The following ZNF385D variants were observed in gnomAD, a reference collection of about 807,000 sequenced individuals.
The protein encoded by ZNF385D is zinc finger protein 659.
A neutral mutation model predicts 35.8 loss-of-function variants in ZNF385D; 15 were observed. That is an observed-to-expected ratio of 0.42 (90% confidence interval 0.28 to 0.64). The LOEUF (loss-of-function observed/expected upper bound fraction) is 0.64. Ranked by LOEUF, ZNF385D falls within the 30% of genes least tolerant of loss-of-function variation. ZNF385D has a pLI of 0.23. For missense variants in ZNF385D, 474 were observed against 494.6 expected (o/e 0.96, Z 0.39); for synonymous variants, 212 against 186.8 (o/e 1.13, Z -1.10).
chr3:21,630,994 T>C (rs1397435880), intron 2 of ZNF385D, among the ~76,000 whole-genome samples: 2 of 152,082 alleles, frequency 1.3e-5, no homozygotes, highest in Non-Finnish European at 2.9e-5. Context: ...GTTTCGTAAA[T>C]AGATACCAGG....
intron 3 of ZNF385D, among the ~76,000 whole-genome samples, chr3:22,107,911 G>T (rs1191280235): frequency 1.3e-5 from 2 of 151,874 alleles, no homozygotes; most frequent in Non-Finnish European, 2.9e-5. Context: ...CCCATAATAG[G>T]TGATTAGGCC....
intron 2 of ZNF385D, among the ~76,000 whole-genome samples, chr3:21,639,279 C>T (rs2065533154): frequency 6.6e-6 from 1 of 151,918 alleles, no homozygotes; most frequent in Non-Finnish European, 1.5e-5. Flanking sequence ...TTATGTGACT[C>T]CCTCCACTAA....
chr3:22,196,153 A>G (rs931523112), intron 2 of ZNF385D, among the ~76,000 whole-genome samples: 1 of 152,058 alleles, frequency 6.6e-6, no homozygotes, highest in Non-Finnish European at 1.5e-5. Flanking sequence ...ACAAAACTGC[A>G]ATTGTACCCC....
intron 3 of ZNF385D, among the ~76,000 whole-genome samples, chr3:21,954,019 C>T (rs34256295): frequency 0.12 from 18,299 of 151,946 alleles, 1,452 homozygotes; most frequent in South Asian, 0.25. Flanking sequence ...AAAAGATACT[C>T]AAATTACTTC....
intron 3 of ZNF385D, among the ~76,000 whole-genome samples, chr3:22,058,331 C>T (rs982038983): frequency 1.3e-5 from 2 of 152,192 alleles, no homozygotes; most frequent in Non-Finnish European, 2.9e-5. Flanking sequence ...CAACAAGCCG[C>T]CCCTATTGTC....
intron 3 of ZNF385D, among the ~76,000 whole-genome samples, chr3:21,901,594 T>C (rs1336462503): frequency 6.6e-6 from 1 of 152,164 alleles, no homozygotes; most frequent in Non-Finnish European, 1.5e-5. Flanking sequence ...CTCACAGCAA[T>C]CTAAGGTACA....
chr3:22,011,775 A>T (rs1391994847), intron 3 of ZNF385D, among the ~76,000 whole-genome samples: 1 of 152,130 alleles, frequency 6.6e-6, no homozygotes, highest in Non-Finnish European at 1.5e-5. Context: ...TACATAGTGA[A>T]ATTGTATCTT....
chr3:22,351,541 A>G (rs1695916069), intron 2 of ZNF385D, among the ~76,000 whole-genome samples: 1 of 152,312 alleles, frequency 6.6e-6, no homozygotes, highest in Middle Eastern at 3.4e-3. Context: ...AGATTTTTAT[A>G]CACAATGCTA....
At chr3:21,735,374 G>T (rs1411022594) in intron 1 of ZNF385D, among the ~76,000 whole-genome samples, 1 of 152,126 alleles carries the variant, frequency 6.6e-6, no homozygotes, top group African/African-American at 2.4e-5. Flanking sequence ...GGCCCTATTT[G>T]TGCCACTCAC....
chr3:22,200,214 C>G (rs1696690233), intron 2 of ZNF385D, among the ~76,000 whole-genome samples: 1 of 151,976 alleles, frequency 6.6e-6, no homozygotes, highest in African/African-American at 2.4e-5. Flanking sequence ...AACTTTCATC[C>G]TGGCAAGATT....
intron 3 of ZNF385D, among the ~76,000 whole-genome samples, chr3:21,873,726 A>G (rs1697815388): frequency 1.3e-5 from 2 of 152,098 alleles, no homozygotes; most frequent in African/African-American, 2.4e-5. Context: ...ATGTAGAATC[A>G]TGCCGTATTT....
At chr3:21,850,700 C>G (rs1477661483) in intron 3 of ZNF385D, among the ~76,000 whole-genome samples, 1 of 151,962 alleles carries the variant, frequency 6.6e-6, no homozygotes, top group African/African-American at 2.4e-5. Flanking sequence ...AAAACTCTGA[C>G]CAGCCAAAGG....
chr3:22,363,569 A>T (rs1408451177), intron 2 of ZNF385D, among the ~76,000 whole-genome samples: 1 of 152,100 alleles, frequency 6.6e-6, no homozygotes, highest in Non-Finnish European at 1.5e-5. Flanking sequence ...CATGAGAAAC[A>T]TTTTTTTCAG....
At chr3:21,921,289 C>A (rs1341708117) in intron 3 of ZNF385D, among the ~76,000 whole-genome samples, 1 of 151,554 alleles carries the variant, frequency 6.6e-6, no homozygotes, top group Non-Finnish European at 1.5e-5. Flanking sequence ...TAACCACACT[C>A]CTCACTCCCC....
At chr3:22,180,210 C>T (rs1342732438) in intron 2 of ZNF385D, among the ~76,000 whole-genome samples, 1 of 152,220 alleles carries the variant, frequency 6.6e-6, no homozygotes, top group African/African-American at 2.4e-5. Flanking sequence ...TTCCTCGACA[C>T]ATACACCCTC....
intron 2 of ZNF385D, among the ~76,000 whole-genome samples, chr3:21,649,026 G>C (rs1262348642): frequency 1.3e-5 from 2 of 152,046 alleles, no homozygotes; most frequent in Admixed American, 6.6e-5. Flanking sequence ...CTAGGACTCT[G>C]TGATTCCAAA....
intron 3 of ZNF385D, among the ~76,000 whole-genome samples, chr3:21,852,924 T>C (rs1696476690): frequency 6.6e-6 from 1 of 151,852 alleles, no homozygotes; most frequent in Non-Finnish European, 1.5e-5. Context: ...GAGGAAAATA[T>C]GTTAAACATC....
At chr3:21,784,372 G>A (rs1559618955) in intron 3 of ZNF385D, among the ~76,000 whole-genome samples, 1 of 151,410 alleles carries the variant, frequency 6.6e-6, no homozygotes, top group East Asian at 1.9e-4. Context: ...TCTTTTTTTT[G>A]GCACCAAGAA....
intron 3 of ZNF385D, among the ~76,000 whole-genome samples, chr3:22,038,853 A>G (rs576960525): frequency 3.3e-5 from 5 of 151,180 alleles, no homozygotes; most frequent in African/African-American, 9.7e-5. Flanking sequence ...TATTGTGTCT[A>G]TCATAACAAA....
Sources: gnomAD v4.1 joint callset for allele counts (sites outside exome capture counted in the v4.1 genomes callset) on GRCh38, gnomAD v4.1.1 for gene constraint, MANE v1.5 for transcripts, NCBI Gene and HGNC (gene_info 2026-07-23, HGNC 2026-07-21) for gene names.